DNHD1: variants seen among roughly 807,000 people sequenced by gnomAD.
DNHD1 encodes the protein dynein heavy chain domain-containing protein 1.
A neutral mutation model predicts 458.1 loss-of-function variants in DNHD1; 383 were observed. The ratio of observed to expected loss-of-function variants is 0.84; its 90% CI spans 0.77 to 0.91. The LOEUF (loss-of-function observed/expected upper bound fraction) is 0.91, where lower values mean the gene tolerates loss of function less well. Among genes scored for constraint, DNHD1 ranks in the 40% least tolerant of loss-of-function variants. The probability of loss-of-function intolerance (pLI) is 0.00; values close to 1 mark genes in which losing one functional copy is unlikely to be tolerated. For synonymous variants in DNHD1, 2,203 were observed against 2,376.9 expected, an observed-to-expected ratio of 0.93 and a Z score of 2.13; for missense variants, 5,336 against 5,866.1, an observed-to-expected ratio of 0.91 and a Z score of 2.95.
In DNHD1 at chr11:6,567,638, G is replaced by A. The variant is rs774411636; in HGVS notation, c.12129G>A (p.Leu4043=). The A allele has an allele frequency of 6.2e-7, 1 of 1,613,960 alleles. No homozygotes were observed. The highest frequency in any genetic ancestry group is 8.5e-7 in the Non-Finnish European group (1 of 1,179,902). ...EPLSLLQKLI[L]WRVLRPECLA... ...TCAGCCTCCTCCAGAAGCTGATCCT[G>A]TGGCGCGTTCTGCGACCTGAGTGCC... is the stretch of plus-strand genomic sequence containing the variant. Residue 4043 remains leucine, a synonymous_variant, in exon 36 of 43, where the codon CTG becomes CTA. Coordinates refer to ENST00000254579, the MANE Select transcript of DNHD1 (RefSeq NM_144666.3).
At position 6,531,523 on chromosome 11, in the gene DNHD1, T is replaced by TAAACAAAC. The variant is rs4036627; in HGVS notation, c.2348-1489_2348-1482dup. Among the ~76,000 whole-genome samples, 170 of 151,336 alleles carry TAAACAAAC rather than the reference T, an allele frequency of 1.1e-3. 1 individual carries two copies. The highest frequency in any genetic ancestry group is 9.8e-3 in the East Asian group (50 of 5,114). ...TGCTACTGGTCCAAAAGCAGCACCA[T>TAAACAAAC]AAACAAACAAACAAACAAACAAGCA... On this transcript the variant is annotated intron_variant, in intron 12 of 42. Coordinates refer to ENST00000254579, the MANE Select transcript of DNHD1 (RefSeq NM_144666.3).
At position 6,566,749 on chromosome 11, in the gene DNHD1, C is replaced by A; in HGVS notation, c.11369C>A (p.Ala3790Asp). 6.2e-7 allele frequency: 1 copy of A among 1,610,368 alleles called. No individual in the cohort carries two copies. The highest frequency in any genetic ancestry group is 1.7e-5 in the Admixed American group (1 of 59,426). ...LKIRALDTCKAVEAAEERLLT... is the reference protein window; with the variant it reads ...LKIRALDTCKDVEAAEERLLT... ...ATCAGAGCCCTAGATACCTGCAAGG[C>A]TGTGGAGGCTGCTGAGGTGCTTGGG... is the stretch of plus-strand genomic sequence containing the variant. The change falls in exon 35 of 43, where the codon GCT (alanine) becomes GAT (aspartate). Residue 3790 changes from alanine to aspartate, a missense_variant. Transcript: ENST00000254579.
In DNHD1 at chr11:6,558,278, A is replaced by C; in HGVS notation, c.8983A>C (p.Lys2995Gln). The C allele has an allele frequency of 6.4e-7, 1 of 1,551,374 alleles. No individual in the cohort carries two copies. Among genetic ancestry groups the C allele is most frequent in the Non-Finnish European group, 8.7e-7 (1 of 1,146,844 alleles). ...ENLGVKQNIK[K>Q]EMVLQRFHQQ... ...CCTTGGTGTCAAACAGAACATCAAG[A>C]AGGAAATGGTGTTGCAGAGGTGAGG... The change falls in exon 25 of 43, where the codon AAG becomes CAG. Residue 2995 changes from lysine (K) to glutamine (Q), a missense_variant. Transcript: ENST00000254579.
At chr11:6,537,424 A>G (rs1207471189) in intron 14 of DNHD1, among the ~76,000 whole-genome samples, 1 of 152,236 alleles carries the variant, frequency 6.6e-6, no homozygotes, top group African/African-American at 2.4e-5. Context: ...GAGGTACATC[A>G]GTGAACAAAT....
Position 6,556,847 on chromosome 11 carries a change from C to T in DNHD1, c.7552C>T (p.Leu2518Phe), listed in dbSNP as rs1853472759. 1 of 1,551,672 alleles carries T rather than the reference C, an allele frequency of 6.4e-7. No individual in the cohort carries two copies. Among genetic ancestry groups the T allele is most frequent in the Non-Finnish European group, 8.7e-7 (1 of 1,147,004 alleles). Residue 2518 changes from leucine to phenylalanine, a missense_variant, in exon 25 of 43, where the codon CTC becomes TTC. By Grantham distance (22) the Leu-to-Phe change is conservative. Coordinates refer to ENST00000254579, the MANE Select transcript of DNHD1 (RefSeq NM_144666.3). ...CTGTGAGCGCCCACTGTGTCCACGC[C>T]TCTTTCGACTCTTCACAGTCCTGGC... ...GYCERPLCPR[L>F]FRLFTVLALE... is the part of the protein sequence containing the mutation.
chr11:6,529,142 C>T, intron 12 of DNHD1, 21 bp downstream of exon 12: 1 of 1,549,034 alleles, frequency 6.5e-7, no homozygotes, highest in South Asian at 1.2e-5. Context: ...CTTCTCTTCC[C>T]TCTCCTCCTT....
Position 6,567,323 on chromosome 11 carries a change from C to T in DNHD1, c.11814C>T (p.Gly3938=), listed in dbSNP as rs56313830. The part of the protein sequence containing the change: ...LTQVPLVGAL[G]ALALLQATGK... ...AAGTACCCTTGGTGGGTGCATTGGG[C>T]GCTTTGGCTCTGCTGCAAGCAACAG... The change falls in exon 36 of 43, where the codon GGC becomes GGT. Residue 3938 remains glycine (G), a synonymous_variant. Coordinates refer to ENST00000254579, the MANE Select transcript of DNHD1 (RefSeq NM_144666.3). 115,610 of 1,613,950 alleles carry T rather than the reference C, an allele frequency of 0.072. 11,638 individuals carry two copies. The highest frequency in any genetic ancestry group is 0.49 in the African/African-American group (36,400 of 74,990).
At chr11:6,501,498 C>A in intron 3 of DNHD1, among the ~76,000 whole-genome samples, 1 of 151,952 alleles carries the variant, frequency 6.6e-6, no homozygotes, top group East Asian at 1.9e-4. Context: ...AGAAAGGATA[C>A]CTCTTCCTCT....
At position 6,570,085 on chromosome 11, in the gene DNHD1, AT is replaced by A. The variant is rs770802782; in HGVS notation, c.12941del (p.Met4314SerfsTer23). 1 of 1,613,754 alleles carries A rather than the reference AT, an allele frequency of 6.2e-7. No individual in the cohort carries two copies. Among genetic ancestry groups the A allele is most frequent in the Non-Finnish European group, 8.5e-7 (1 of 1,179,846 alleles). ...WASLSNPRAA[M>X]QELAASVFYG... ...AAGTCTTAGCAATCCCCGTGCTGCCATGCAAGAGCTGGCTGGTGAGACCCTT... is the reference window on the plus strand; with the variant it reads ...AAGTCTTAGCAATCCCCGTGCTGCCAGCAAGAGCTGGCTGGTGAGACCCTT... On this transcript the variant is annotated frameshift_variant, in exon 40 of 43. Coordinates refer to ENST00000254579, the MANE Select transcript of DNHD1 (RefSeq NM_144666.3). LOFTEE classifies it high-confidence loss of function.
Position 6,520,257 on chromosome 11 carries a change from T to C in DNHD1, c.1805T>C (p.Leu602Pro), listed in dbSNP as rs1240717219. 3.9e-6 allele frequency: 6 copies of C among 1,553,084 alleles called. No homozygotes were observed. In the Admixed American group the frequency reaches 9.8e-5, roughly 25 times the overall value. ...ATGAAGGTAGTGCAGTCTGCAGACCTGAAGACCTCCTCGGATTCCCTGTAT... is the reference window on the plus strand; with the variant it reads ...ATGAAGGTAGTGCAGTCTGCAGACCCGAAGACCTCCTCGGATTCCCTGTAT... ...SALQVVQSAD[L>P]KTSSDSLYSE... The change falls in exon 10 of 43, where the codon CTG becomes CCG. Residue 602 changes from leucine to proline, a missense_variant. By Grantham distance (98) the Leu-to-Pro change is moderately conservative. Transcript: ENST00000254579.
rs369158056 is a variant in DNHD1 at position 6,502,800 on chromosome 11, G to A, written c.794G>A (p.Ser265Asn). Residue 265 changes from serine (S) to asparagine (N), a missense_variant, in exon 4 of 43, where the codon AGC becomes AAC. By Grantham distance (46) the Ser-to-Asn change is conservative. Around this residue, in one of 4 missense-constraint regions of DNHD1, gnomAD observed 3,932 missense variants for 4,365.6 expected, o/e 0.90. Coordinates refer to ENST00000254579, the MANE Select transcript of DNHD1 (RefSeq NM_144666.3). Reference protein sequence around the residue: ...EVPREKAFQKSSTGFSPETSF... With the variant: ...EVPREKAFQKNSTGFSPETSF... Reference sequence around the variant, plus strand: ...CCCAGGGAAAAGGCCTTCCAAAAGAGCAGCACCGGCTTTTCACCTGAGACT... The same window carrying A: ...CCCAGGGAAAAGGCCTTCCAAAAGAACAGCACCGGCTTTTCACCTGAGACT... The A allele has an allele frequency of 5.1e-5, 83 of 1,611,816 alleles. No individual in the cohort carries two copies. The highest frequency in any genetic ancestry group is 6.8e-5 in the Non-Finnish European group (80 of 1,179,150).
Position 6,548,991 on chromosome 11 carries a change from T to A in DNHD1, c.7387+58T>A. On this transcript the variant is annotated intron_variant, in intron 24 of 42. Transcript: ENST00000254579. The surrounding 1 kb of genome is among the most constrained non-coding windows in gnomAD (Gnocchi z 4.4). ...ACTGTCATCTCTTGAGACTATAAAATCCCTAGCAATATTCATTGACTCTCA... is the reference window on the plus strand; with the variant it reads ...ACTGTCATCTCTTGAGACTATAAAAACCCTAGCAATATTCATTGACTCTCA... 1 of 1,501,954 alleles carries A rather than the reference T, an allele frequency of 6.7e-7. No individual in the cohort carries two copies. Among genetic ancestry groups the A allele is most frequent in the South Asian group, 1.2e-5 (1 of 80,054 alleles). 93.0% of individuals were successfully genotyped at this position (1,501,954 alleles called of 1,614,324 possible).
At position 6,571,552 on chromosome 11, in the gene DNHD1, C is replaced by T; in HGVS notation, c.13912-84C>T. Reference sequence around the variant, plus strand: ...TAGCTTCTCCGATCTCGCTTCACCACGACCTCCTACCCGCTAACCCCCACT... The same window carrying T: ...TAGCTTCTCCGATCTCGCTTCACCATGACCTCCTACCCGCTAACCCCCACT... On this transcript the variant is annotated intron_variant, in intron 42 of 42. Transcript: ENST00000254579. This position sits in a 1 kb window ranked among gnomAD's most constrained non-coding sequence, Gnocchi z 5.0. The T allele has an allele frequency of 6.9e-7, 1 of 1,457,332 alleles. No individual in the cohort carries two copies. Among genetic ancestry groups the T allele is most frequent in the Non-Finnish European group, 9.2e-7 (1 of 1,092,358 alleles). The allele number at this position is 1,457,332 out of a possible 1,614,324, so 90.3% of individuals were successfully genotyped here. A position where few individuals can be genotyped will look rare whatever the true frequency, so the allele number is the denominator to read the frequency against.
chr11:6,510,948 A>G (rs574926416), intron 6 of DNHD1, among the ~76,000 whole-genome samples: 1 of 152,222 alleles, frequency 6.6e-6, no homozygotes, highest in South Asian at 2.1e-4. Context: ...CTCTATTCCA[A>G]GGAAGAAGCC....
At chr11:6,547,789 C>T in intron 21 of DNHD1, 74 bp from the exon 22 acceptor site, 1 of 1,530,952 alleles carries the variant, frequency 6.5e-7, no homozygotes, top group Non-Finnish European at 8.8e-7. Context: ...GTAATACTGT[C>T]AACCTTTTTT....
Position 6,498,880 on chromosome 11 carries a change from T to C in DNHD1, c.665T>C (p.Leu222Pro). ...GGACTTAGTCTCCTTCCCTTGGCAC[T>C]GGCAGCGGACATCCCTGTACGGTAT... ...LDGLSLLPLALAADIPVRYES... is the reference protein window; with the variant it reads ...LDGLSLLPLAPAADIPVRYES... The change falls in exon 3 of 43, where the codon CTG becomes CCG. Residue 222 changes from leucine to proline, a missense_variant. Physicochemically the swap from Leu to Pro is moderately conservative, Grantham distance 98. Transcript: ENST00000254579. 1 of 1,614,252 alleles carries C rather than the reference T, an allele frequency of 6.2e-7. No homozygotes were observed. Among genetic ancestry groups the C allele is most frequent in the South Asian group, 1.1e-5 (1 of 91,086 alleles).
At position 6,551,664 on chromosome 11, in the gene DNHD1, C is replaced by T. The variant is rs542042863; in HGVS notation, c.7387+2731C>T. 9.9e-5 allele frequency among the ~76,000 whole-genome samples: 15 copies of T among 152,158 alleles called. No homozygotes were observed. The South Asian group carries it at 2.3e-3, about 23-fold the overall frequency. On this transcript the variant is annotated intron_variant, in intron 24 of 42. Coordinates refer to ENST00000254579, the MANE Select transcript of DNHD1 (RefSeq NM_144666.3). ...AAAAGGATAAAAAGGGAGCCAGGGC[C>T]GGGCACTGTGGCTCACGCCTGTAAT...
intron 3 of DNHD1, among the ~76,000 whole-genome samples, chr11:6,502,432 T>G (rs1255244500): frequency 6.6e-6 from 1 of 152,236 alleles, no homozygotes; most frequent in Non-Finnish European, 1.5e-5. Flanking sequence ...TTCCCATTAT[T>G]TGTACACAGT....
chr11:6,560,934 GGATA>G (rs1421358294), intron 28 of DNHD1, among the ~76,000 whole-genome samples: 5 of 152,132 alleles, frequency 3.3e-5, no homozygotes, highest in African/African-American at 7.2e-5. Context: ...CTAGATGGAT[GGATA>G]GATAGATAGA....
Sources: allele counts gnomAD v4.1 joint callset (sites outside exome capture counted in the v4.1 genomes callset), GRCh38; gene constraint gnomAD v4.1.1; regional missense constraint gnomAD v4.1.1; non-coding constraint Gnocchi (gnomAD v3.1); transcripts MANE v1.5; gene names NCBI Gene and HGNC (gene_info 2026-07-23, HGNC 2026-07-21).